CDIN1: variants seen among roughly 807,000 people sequenced by gnomAD.
CDIN1 encodes CDAN1-interacting nuclease 1.
In CDIN1, 33 loss-of-function variants were observed where a neutral mutation model predicts 45.3. The observed-to-expected ratio is 0.73, with a 90% CI of 0.55 to 0.97. CDIN1 has a LOEUF of 0.97. Among genes scored for constraint, CDIN1 ranks in the 50% least tolerant of loss-of-function variants. CDIN1 has a pLI of 0.00. For missense variants in CDIN1, 303 were observed against 339.4 expected (o/e 0.89, Z 0.84); for synonymous variants, 118 against 124.4 (o/e 0.95, Z 0.34).
chr15:36,721,026 C>T (rs2043397076), intron 10 of CDIN1, among the ~76,000 whole-genome samples: 1 of 152,102 alleles, frequency 6.6e-6, no homozygotes, highest in African/African-American at 2.4e-5. Flanking sequence ...CTATGATGAC[C>T]AGTGATGATG....
chr15:36,604,520 T>C (rs968263965), intron 1 of CDIN1, among the ~76,000 whole-genome samples: 16 of 151,352 alleles, frequency 1.1e-4, no homozygotes, highest in African/African-American at 3.6e-4. Flanking sequence ...TCAACTCCTG[T>C]TGGTTTTATT....
rs2055300494 is a variant in CDIN1, at chr15:36,808,402, C to T, written c.795C>T (p.Leu265=). Residue 265 remains leucine, a synonymous_variant, in exon 11 of 11, where the codon CTC becomes CTT. Coordinates refer to ENST00000566621, the MANE Select transcript of CDIN1 (RefSeq NM_001321759.2). ...LDCNRERGIL[L]KACFPTNIVT... ...GCAACCGGGAAAGGGGCATCCTGCT[C>T]AAAGCCTGTTTCCCCACGAACATTG... The T allele has an allele frequency of 1.9e-6, 3 of 1,613,476 alleles. No individual in the cohort carries two copies. The highest frequency in any genetic ancestry group is 1.1e-5 in the South Asian group (1 of 91,064).
At position 36,734,086 on chromosome 15, in the gene CDIN1, T is replaced by C. The variant is rs565772697; in HGVS notation, c.716+24125T>C. On this transcript the variant is annotated intron_variant, in intron 10 of 10. Coordinates refer to ENST00000566621, the MANE Select transcript of CDIN1 (RefSeq NM_001321759.2). ...TATAAATATTTTTCTTTAGGTTTGA[T>C]TTAAGAGTGAGAATTATAATGCATT... 7.2e-5 allele frequency among the ~76,000 whole-genome samples: 11 copies of C among 152,208 alleles called. No homozygotes were observed. In the South Asian group the frequency reaches 2.1e-3, roughly 29 times the overall value.
chr15:36,768,671 C>T (rs1262429083), intron 10 of CDIN1, among the ~76,000 whole-genome samples: 1 of 152,124 alleles, frequency 6.6e-6, no homozygotes, highest in Non-Finnish European at 1.5e-5. Flanking sequence ...TGTTAGTGGC[C>T]TCAACTGGTG....
At chr15:36,716,573 C>T (rs563949360) in intron 10 of CDIN1, among the ~76,000 whole-genome samples, 8 of 152,164 alleles carry the variant, frequency 5.3e-5, no homozygotes, top group Middle Eastern at 3.4e-3. Context: ...AAATCACATG[C>T]GGGTTGTTTT....
chr15:36,701,860 C>T, intron 8 of CDIN1: 2 of 563,230 alleles, frequency 3.6e-6, no homozygotes, highest in East Asian at 2.9e-5. Flanking sequence ...ATCTGTAAAG[C>T]CAAATAGGCT....
At chr15:36,665,963 C>T (rs1206429517) in intron 5 of CDIN1, among the ~76,000 whole-genome samples, 2 of 152,022 alleles carry the variant, frequency 1.3e-5, no homozygotes, top group Non-Finnish European at 2.9e-5. Context: ...ATTGACTTGA[C>T]GTTTTTGGTT....
chr15:36,614,884 A>G (rs1009901807), intron 1 of CDIN1, among the ~76,000 whole-genome samples: 6 of 152,206 alleles, frequency 3.9e-5, no homozygotes. Flanking sequence ...GACCTCTGAG[A>G]CAAAATTTTT....
At chr15:36,646,422 C>A (rs1031432384) in intron 3 of CDIN1, among the ~76,000 whole-genome samples, 4 of 152,088 alleles carry the variant, frequency 2.6e-5, no homozygotes, top group Non-Finnish European at 5.9e-5. Flanking sequence ...ATTACACACA[C>A]ACAGACACAG....
intron 10 of CDIN1, among the ~76,000 whole-genome samples, chr15:36,743,295 A>C (rs879526437): frequency 5.3e-5 from 8 of 152,218 alleles, no homozygotes; most frequent in Admixed American, 5.2e-4. Context: ...ACTGAGAGTC[A>C]AATTTATTTA....
chr15:36,585,730 A>G (rs1390738572), intron 1 of CDIN1, among the ~76,000 whole-genome samples: 2 of 152,154 alleles, frequency 1.3e-5, no homozygotes, highest in African/African-American at 4.8e-5. Context: ...AAGCTCTTTA[A>G]TAGCTTTATA....
At chr15:36,765,057 C>CTTTTTTTTTT (rs377685100) in intron 10 of CDIN1, among the ~76,000 whole-genome samples, 1 of 139,644 alleles carries the variant, frequency 7.2e-6, no homozygotes, top group Non-Finnish European at 1.5e-5. Flanking sequence ...ATTTTTCTTT[C>CTTTTTTTTTT]TTTCTTTTTT....
chr15:36,602,498 C>T (rs2038154459), intron 1 of CDIN1, among the ~76,000 whole-genome samples: 1 of 152,078 alleles, frequency 6.6e-6, no homozygotes, highest in African/African-American at 2.4e-5. Context: ...TACTAGGTGA[C>T]CATAAATTCT....
At chr15:36,670,706 T>C (rs1197442273) in intron 5 of CDIN1, among the ~76,000 whole-genome samples, 1 of 152,134 alleles carries the variant, frequency 6.6e-6, no homozygotes, top group East Asian at 1.9e-4. Flanking sequence ...CCTTTTTACT[T>C]GACTTATTTT....
At position 36,751,229 on chromosome 15, in the gene CDIN1, T is replaced by TTTATATATATA. The variant is rs568110101; in HGVS notation, c.716+41269_716+41270insTATATATATAT. Reference sequence around the variant, plus strand: ...ATAAAAGCATATATATATGCTTATTTTATATATATATATATATATATATAT... The same window carrying TTTATATATATA: ...ATAAAAGCATATATATATGCTTATTTTTATATATATATATATATATATATATATATATATAT... On this transcript the variant is annotated intron_variant, in intron 10 of 10. Transcript: ENST00000566621. Among the ~76,000 whole-genome samples the TTTATATATATA allele has an allele frequency of 4.1e-4, 40 of 97,574 alleles. 2 individuals are homozygous for TTTATATATATA. The highest frequency in any genetic ancestry group is 1.6e-3 in the African/African-American group (37 of 23,118). 64.0% of individuals were successfully genotyped at this position (97,574 alleles called of 152,430 possible).
intron 1 of CDIN1, among the ~76,000 whole-genome samples, chr15:36,638,872 A>G (rs945138668): frequency 3.3e-5 from 5 of 152,230 alleles, no homozygotes; most frequent in Admixed American, 1.3e-4. Context: ...ATTAGCATAC[A>G]TGATTTGCAG....
chr15:36,776,283 G>T (rs528441337), intron 10 of CDIN1, among the ~76,000 whole-genome samples: 31 of 152,304 alleles, frequency 2.0e-4, no homozygotes, highest in Middle Eastern at 3.4e-3. Context: ...GTATTGGAGA[G>T]AATATTCAGG....
At chr15:36,713,520 CT>C (rs752536010) in intron 10 of CDIN1, among the ~76,000 whole-genome samples, 3 of 152,150 alleles carry the variant, frequency 2.0e-5, no homozygotes, top group Non-Finnish European at 4.4e-5. Context: ...GAGTATGCCA[CT>C]TTCTGGTCCC....
chr15:36,587,624 T>A (rs1205043851), intron 1 of CDIN1, among the ~76,000 whole-genome samples: 5 of 152,174 alleles, frequency 3.3e-5, no homozygotes, highest in Non-Finnish European at 7.4e-5. Context: ...TTGTCTTTTT[T>A]GAACAATCCC....
Sources: gnomAD v4.1 joint callset for allele counts (sites outside exome capture counted in the v4.1 genomes callset) on GRCh38, gnomAD v4.1.1 for gene constraint, MANE v1.5 for transcripts, NCBI Gene and HGNC (gene_info 2026-07-23, HGNC 2026-07-21) for gene names.